The following COL8A1 variants were observed in gnomAD, a reference collection of about 807,000 sequenced individuals.
The protein encoded by COL8A1 is collagen alpha-1(VIII) chain.
A neutral mutation model predicts 42.7 loss-of-function variants in COL8A1; 21 were observed. The observed-to-expected ratio is 0.49, with a 90% CI of 0.35 to 0.71. COL8A1 has a LOEUF of 0.71. Ranked by LOEUF, COL8A1 falls within the 30% of genes least tolerant of loss-of-function variation. COL8A1 has a pLI of 0.01. For missense variants in COL8A1, 788 were observed against 962.4 expected, an observed-to-expected ratio of 0.82 and a Z score of 2.40; for synonymous variants, 367 against 369.1, an observed-to-expected ratio of 0.99 and a Z score of 0.06.
At chr3:99,755,238 A>G (rs1382301196) in intron 2 of COL8A1, among the ~76,000 whole-genome samples, 3 of 152,218 alleles carry the variant, frequency 2.0e-5, no homozygotes, top group East Asian at 1.9e-4. Flanking sequence ...TATTAGGCCT[A>G]TGCTTGGCCC....
At chr3:99,676,316 T>G (rs900200960) in intron 1 of COL8A1, among the ~76,000 whole-genome samples, 1 of 152,134 alleles carries the variant, frequency 6.6e-6, no homozygotes, top group African/African-American at 2.4e-5. Flanking sequence ...TTCCTCTTAT[T>G]TATTAGCACA....
chr3:99,784,147 C>G (rs1230101794), intron 2 of COL8A1, among the ~76,000 whole-genome samples: 1 of 152,142 alleles, frequency 6.6e-6, no homozygotes, highest in Non-Finnish European at 1.5e-5. Flanking sequence ...GGATCTGTAC[C>G]TTGTAAAACA....
intron 1 of COL8A1, chr3:99,679,221 C>T (rs1165745976): frequency 2.0e-5 from 3 of 152,268 alleles, no homozygotes; most frequent in East Asian, 1.9e-4. Flanking sequence ...CCTAGGAAGA[C>T]CAGTTTAAGA....
intron 1 of COL8A1, among the ~76,000 whole-genome samples, chr3:99,736,350 T>A (rs1159045640): frequency 6.6e-6 from 1 of 152,236 alleles, no homozygotes; most frequent in Non-Finnish European, 1.5e-5. Context: ...TGGTATGTTG[T>A]GTCTTTGTTC....
Position 99,796,288 on chromosome 3 carries a change from A to G in COL8A1, c.*152A>G. ...AAAATTTGGACCATTGTGTACAAAT[A>G]AAAACTAAGATGCATGTTTAATACT... On this transcript the variant is annotated 3_prime_UTR_variant, in exon 4 of 4. Transcript: ENST00000652472. The G allele has an allele frequency of 1.7e-6, 1 of 587,580 alleles. No homozygotes were observed. Among genetic ancestry groups the G allele is most frequent in the Non-Finnish European group, 2.8e-6 (1 of 355,992 alleles). The allele number at this position is 587,580 out of a possible 1,614,324, so 36.4% of individuals were successfully genotyped here. A position where few individuals can be genotyped will look rare whatever the true frequency, so the allele number is the denominator to read the frequency against.
intron 2 of COL8A1, among the ~76,000 whole-genome samples, chr3:99,747,312 A>G (rs1349043093): frequency 1.3e-5 from 2 of 152,228 alleles, no homozygotes; most frequent in South Asian, 4.1e-4. Context: ...TTTGCTCATT[A>G]AGATACCTAA....
chr3:99,677,934 T>A (rs1026226262), intron 1 of COL8A1: 2 of 152,196 alleles, frequency 1.3e-5, no homozygotes, highest in African/African-American at 4.8e-5. Flanking sequence ...GGTTTGTGAC[T>A]GTGAGAAAAG....
chr3:99,790,157 A>T (rs1941972432), intron 2 of COL8A1, among the ~76,000 whole-genome samples: 1 of 152,220 alleles, frequency 6.6e-6, no homozygotes, highest in Admixed American at 6.5e-5. Context: ...AGCTCGTTTT[A>T]TCATTCTCTG....
chr3:99,711,903 G>C (rs1303159041), intron 1 of COL8A1, among the ~76,000 whole-genome samples: 1 of 151,986 alleles, frequency 6.6e-6, no homozygotes, highest in Non-Finnish European at 1.5e-5. Context: ...TCAAACCAAG[G>C]CTGGTGGGGG....
intron 1 of COL8A1, among the ~76,000 whole-genome samples, chr3:99,652,329 C>T (rs141437676): frequency 2.0e-5 from 3 of 152,242 alleles, no homozygotes; most frequent in Admixed American, 2.0e-4. Flanking sequence ...ATGATAATAA[C>T]CTTTGTGGAG....
At chr3:99,778,337 C>T (rs925596239) in intron 2 of COL8A1, among the ~76,000 whole-genome samples, 4 of 152,086 alleles carry the variant, frequency 2.6e-5, no homozygotes, top group Admixed American at 1.3e-4. Context: ...CTTGGTTTTA[C>T]GAACAAGGAA....
At chr3:99,690,144 G>T (rs1329930242) in intron 1 of COL8A1, among the ~76,000 whole-genome samples, 4 of 152,132 alleles carry the variant, frequency 2.6e-5, no homozygotes, top group Non-Finnish European at 4.4e-5. Flanking sequence ...GATCTTAATA[G>T]GCATTACATG....
intron 1 of COL8A1, among the ~76,000 whole-genome samples, chr3:99,684,369 A>T (rs1398678194): frequency 6.6e-6 from 1 of 152,216 alleles, no homozygotes; most frequent in Non-Finnish European, 1.5e-5. Context: ...CTGTCTAGCT[A>T]CCAAGTTAGA....
At chr3:99,675,568 A>G (rs960634035) in intron 1 of COL8A1, 1 of 152,494 alleles carries the variant, frequency 6.6e-6, no homozygotes, top group Admixed American at 6.6e-5. Context: ...TTACTAAGCT[A>G]CACTGCTTGA....
chr3:99,694,338 C>T (rs1325216936), intron 1 of COL8A1, among the ~76,000 whole-genome samples: 1 of 151,906 alleles, frequency 6.6e-6, no homozygotes, highest in African/African-American at 2.4e-5. Context: ...TAAAAATCAG[C>T]TGGTCATGGT....
At chr3:99,676,108 AATT>A (rs1196579635) in intron 1 of COL8A1, among the ~76,000 whole-genome samples, 1 of 152,118 alleles carries the variant, frequency 6.6e-6, no homozygotes, top group African/African-American at 2.4e-5. Context: ...ATTTATGTGA[AATT>A]ATTACCAAAC....
chr3:99,678,493 A>G (rs1401925908), intron 1 of COL8A1: 1 of 152,146 alleles, frequency 6.6e-6, no homozygotes, highest in East Asian at 1.9e-4. Context: ...GCTCAGCCGA[A>G]GAGAAGCTTT....
chr3:99,691,087 C>T (rs1576432430), intron 1 of COL8A1, among the ~76,000 whole-genome samples: 1 of 152,090 alleles, frequency 6.6e-6, no homozygotes, highest in African/African-American at 2.4e-5. Flanking sequence ...GGGCTGATGG[C>T]GGGCTTGAGC....
chr3:99,643,496 T>A (rs1181474079), intron 1 of COL8A1, among the ~76,000 whole-genome samples: 1 of 152,226 alleles, frequency 6.6e-6, no homozygotes, highest in Admixed American at 6.5e-5. Context: ...CCTAAACTCC[T>A]TTCTTACTTG....
Sources: allele counts gnomAD v4.1 joint callset (sites outside exome capture counted in the v4.1 genomes callset), GRCh38; gene constraint gnomAD v4.1.1; transcripts MANE v1.5; gene names NCBI Gene and HGNC (gene_info 2026-07-23, HGNC 2026-07-21).